Variants in NUP205 observed in about 807,000 individuals in gnomAD.
NUP205 encodes nuclear pore complex protein Nup205.
Under a neutral mutation model 253.8 loss-of-function variants are expected in NUP205, and 76 were observed. That is an observed-to-expected ratio of 0.30 (90% confidence interval 0.25 to 0.36). The LOEUF (loss-of-function observed/expected upper bound fraction) is 0.36. Ranked by LOEUF, NUP205 falls within the 10% of genes least tolerant of loss-of-function variation. The pLI is 1.00. For missense variants in NUP205, 2,162 were observed against 2,425.5 expected, an observed-to-expected ratio of 0.89 and a Z score of 2.28; for synonymous variants, 832 against 850.1, an observed-to-expected ratio of 0.98 and a Z score of 0.37.
At chr7:135,629,768 AC>A (rs1176984610) in intron 34 of NUP205, among the ~76,000 whole-genome samples, 2 of 151,688 alleles carry the variant, frequency 1.3e-5, no homozygotes, top group East Asian at 3.9e-4. Context: ...CTCAGGTGAT[AC>A]CCGCCTCAGC....
rs1354319377 is a variant in NUP205, at chr7:135,587,999, CTT to C, written c.1473+9_1473+10del. On this transcript the variant is annotated splice_region_variant and intron_variant, in intron 10 of 42. Transcript: ENST00000285968. ...GCGGCCCCCTCAACGCCAGGTGAGT[CTT>C]TAGGTTTTCCTCTTTTATACTCTGG... is the stretch of plus-strand genomic sequence containing the variant. The C allele has an allele frequency of 6.2e-7, 1 of 1,604,374 alleles. No individual in the cohort carries two copies. Among genetic ancestry groups the C allele is most frequent in the African/African-American group, 1.3e-5 (1 of 74,154 alleles).
At chr7:135,627,724 CA>C (rs1226801186) in intron 33 of NUP205, among the ~76,000 whole-genome samples, 4 of 152,156 alleles carry the variant, frequency 2.6e-5, no homozygotes, top group African/African-American at 7.2e-5. Flanking sequence ...ATTATCTTGT[CA>C]AATTACATAG....
intron 36 of NUP205, among the ~76,000 whole-genome samples, chr7:135,636,677 T>C (rs1794817171): frequency 1.3e-5 from 2 of 152,154 alleles, no homozygotes; most frequent in South Asian, 2.1e-4. Flanking sequence ...AAAATAAGTT[T>C]ATATTATAGT....
At chr7:135,608,077 A>G (rs141119485) in intron 22 of NUP205, among the ~76,000 whole-genome samples, 5,005 of 142,976 alleles carry the variant, frequency 0.035, 115 homozygotes, top group Middle Eastern at 0.1. Flanking sequence ...CCCAGGCTGG[A>G]GTGCAGTGGC....
chr7:135,586,762 C>T (rs983964625), intron 8 of NUP205, among the ~76,000 whole-genome samples: 10 of 152,146 alleles, frequency 6.6e-5, no homozygotes, highest in African/African-American at 2.2e-4. Context: ...AGTTTAATTC[C>T]GTTGTGCTCA....
At chr7:135,583,093 A>G (rs1454531531) in intron 7 of NUP205, among the ~76,000 whole-genome samples, 1 of 152,166 alleles carries the variant, frequency 6.6e-6, no homozygotes, top group African/African-American at 2.4e-5. Flanking sequence ...CCATCTCGAA[A>G]TAAATAATAA....
Position 135,587,624 on chromosome 7 carries a change from T to A in NUP205, c.1268T>A (p.Met423Lys), listed in dbSNP as rs1323404076. ...RADEDARMIH[M>K]SMQMGNEPPI... Reference sequence around the variant, plus strand: ...GATGAAGATGCTCGAATGATTCACATGAGTATGCAGATGGGTAATGAACCC... The same window carrying A: ...GATGAAGATGCTCGAATGATTCACAAGAGTATGCAGATGGGTAATGAACCC... The change falls in exon 9 of 43, where the codon ATG becomes AAG. Residue 423 changes from methionine to lysine, a missense_variant. Coordinates refer to ENST00000285968, the MANE Select transcript of NUP205 (RefSeq NM_015135.3). The A allele has an allele frequency of 6.2e-7, 1 of 1,610,904 alleles. No individual in the cohort carries two copies. Among genetic ancestry groups the A allele is most frequent in the African/African-American group, 1.3e-5 (1 of 74,942 alleles).
At chr7:135,643,474 T>A in intron 39 of NUP205, 116 bp downstream of exon 39, 1 of 758,696 alleles carries the variant, frequency 1.3e-6, no homozygotes. Context: ...TTGGAATGAT[T>A]CTTCTGTGTG....
rs77874199 is a variant in NUP205 at position 135,604,938 on chromosome 7, T to C, written c.2823+478T>C. ...GGAGTTCCTCTTTTTATTCAAGTTATAATAGTTCTGTTCACTGAATACCTA... is the reference window on the plus strand; with the variant it reads ...GGAGTTCCTCTTTTTATTCAAGTTACAATAGTTCTGTTCACTGAATACCTA... On this transcript the variant is annotated intron_variant, in intron 19 of 42. Coordinates refer to ENST00000285968, the MANE Select transcript of NUP205 (RefSeq NM_015135.3). Among the ~76,000 whole-genome samples, 846 of 152,350 alleles carry C rather than the reference T, an allele frequency of 5.6e-3. 13 individuals are homozygous for C. Among genetic ancestry groups the C allele is most frequent in the East Asian group, 0.05 (259 of 5,192 alleles).
At chr7:135,576,052 C>G (rs993343781) in intron 3 of NUP205, among the ~76,000 whole-genome samples, 2 of 152,046 alleles carry the variant, frequency 1.3e-5, no homozygotes, top group African/African-American at 4.8e-5. Context: ...TGGTGAATTC[C>G]ATGTCCCTGC....
intron 19 of NUP205, among the ~76,000 whole-genome samples, chr7:135,605,172 A>G (rs984774032): frequency 3.9e-5 from 6 of 152,020 alleles, no homozygotes; most frequent in Non-Finnish European, 7.4e-5. Context: ...CTACAGGTGC[A>G]TGCCACCACG....
In NUP205 at chr7:135,627,967, A is replaced by C. The variant is rs761526435; in HGVS notation, c.4794-6A>C. 1.2e-6 allele frequency: 2 copies of C among 1,612,766 alleles called. No homozygotes were observed. Among genetic ancestry groups the C allele is most frequent in the Non-Finnish European group, 1.7e-6 (2 of 1,179,582 alleles). The stretch of plus-strand genomic sequence containing the variant: ...GAATGTTTTCTCCTTGTTTGGTTGA[A>C]ATAAGCATGTTTGGCATGAGAGACC... On this transcript the variant is annotated splice_region_variant and splice_polypyrimidine_tract_variant and intron_variant, in intron 33 of 42. Transcript: ENST00000285968.
At chr7:135,618,222 G>A (rs1023180215) in intron 27 of NUP205, among the ~76,000 whole-genome samples, 190 bp from the exon 28 acceptor site, 1 of 152,140 alleles carries the variant, frequency 6.6e-6, no homozygotes, top group African/African-American at 2.4e-5. Flanking sequence ...TACCTTTCAT[G>A]CACATACACA....
At chr7:135,562,886 T>A (rs374500746) in intron 1 of NUP205, among the ~76,000 whole-genome samples, 3 of 152,172 alleles carry the variant, frequency 2.0e-5, no homozygotes, top group East Asian at 3.9e-4. Context: ...TGTGTGATGA[T>A]CTTGCCAAAC....
intron 10 of NUP205, among the ~76,000 whole-genome samples, chr7:135,591,167 CAT>C (rs147550339): frequency 0.014 from 2,116 of 152,222 alleles, 48 homozygotes; most frequent in African/African-American, 0.046. Flanking sequence ...GTAAATGTCA[CAT>C]GTCTTATATT....
rs371177222 is a variant in NUP205 at position 135,606,892 on chromosome 7, G to A, written c.3047G>A (p.Ser1016Asn). Residue 1016 changes from serine (S) to asparagine (N), a missense_variant, in exon 21 of 43, where the codon AGT (serine) becomes AAT (asparagine). By Grantham distance (46) the Ser-to-Asn change is conservative. Around this residue, in one of 5 missense-constraint regions of NUP205, gnomAD observed 1,144 missense variants for 1,280.9 expected, o/e 0.89. Transcript: ENST00000285968. ...LLGFELKKPV[S>N]TTNLQDPGVL... ...GGCTTTGAATTGAAAAAACCTGTCA[G>A]TACTACAAACCTACAAGATCCAGGT... is the stretch of plus-strand genomic sequence containing the variant. 3.1e-6 allele frequency: 5 copies of A among 1,613,940 alleles called. No individual in the cohort carries two copies. In the East Asian group the frequency reaches 1.1e-4, roughly 36 times the overall value.
Position 135,619,627 on chromosome 7 carries a change from T to A in NUP205, c.4168T>A (p.Ser1390Thr), listed in dbSNP as rs1794432600. 6.2e-7 allele frequency: 1 copy of A among 1,614,134 alleles called. No homozygotes were observed. Among genetic ancestry groups the A allele is most frequent in the Non-Finnish European group, 8.5e-7 (1 of 1,179,968 alleles). Residue 1390 changes from serine to threonine, a missense_variant, in exon 29 of 43, where the codon TCT becomes ACT. By Grantham distance (58) the Ser-to-Thr change is moderately conservative. This residue lies in a region of NUP205 where 1,144 missense variants were observed against 1,280.9 expected (regional missense o/e 0.89). Transcript: ENST00000285968. ...PEENPLVGFA[S>T]IGDSSLYIIL... ...AGAGAACCCATTAGTGGGTTTTGCTTCTATTGGAGATTCTTCACTTTACAT... is the reference window on the plus strand; with the variant it reads ...AGAGAACCCATTAGTGGGTTTTGCTACTATTGGAGATTCTTCACTTTACAT...
chr7:135,643,429 G>GGCCT, intron 39 of NUP205, 71 bp downstream of exon 39: 1 of 1,026,530 alleles, frequency 9.7e-7, no homozygotes, highest in Non-Finnish European at 1.4e-6. Flanking sequence ...TACTCAGACT[G>GGCCT]AGTAAAGACA....
intron 33 of NUP205, among the ~76,000 whole-genome samples, chr7:135,626,839 T>C (rs1794601202): frequency 6.6e-6 from 1 of 152,128 alleles, no homozygotes; most frequent in Admixed American, 6.5e-5. Context: ...TGTGGAAAAT[T>C]TGATTTGATT....
Sources: gnomAD v4.1 joint callset for allele counts (sites outside exome capture counted in the v4.1 genomes callset) on GRCh38, gnomAD v4.1.1 for gene constraint, gnomAD v4.1.1 regional missense constraint, MANE v1.5 for transcripts, NCBI Gene and HGNC (gene_info 2026-07-23, HGNC 2026-07-21) for gene names.